Variants in FXR1 observed in about 807,000 individuals in gnomAD.
FXR1 encodes FMR1 autosomal homolog 1, also known as RNA-binding protein FXR1.
FXR1 carries 15 observed loss-of-function variants against 84.0 expected under a neutral mutation model. The observed-to-expected ratio is 0.18, with a 90% CI of 0.12 to 0.27. The LOEUF (loss-of-function observed/expected upper bound fraction) is 0.27. Among genes scored for constraint, FXR1 ranks in the 10% least tolerant of loss-of-function variants. The probability of loss-of-function intolerance (pLI) is 1.00; values close to 1 mark genes in which losing one functional copy is unlikely to be tolerated. For missense variants in FXR1, 480 were observed against 774.4 expected, an observed-to-expected ratio of 0.62 and a Z score of 4.51; for synonymous variants, 245 against 250.7, an observed-to-expected ratio of 0.98 and a Z score of 0.21.
At chr3:180,922,703 T>G (rs1462616920) in intron 1 of FXR1, among the ~76,000 whole-genome samples, 1 of 152,130 alleles carries the variant, frequency 6.6e-6, no homozygotes, top group Non-Finnish European at 1.5e-5. Context: ...GTCTTGACCT[T>G]CCAGGTTCAA....
chr3:180,921,040 G>A (rs1304887304), intron 1 of FXR1, among the ~76,000 whole-genome samples: 1 of 152,024 alleles, frequency 6.6e-6, no homozygotes, highest in African/African-American at 2.4e-5. Context: ...AATGCTGAAT[G>A]CTTGCCTTGA....
At chr3:180,915,697 G>C (rs1805564) in intron 1 of FXR1, 2 of 698,470 alleles carry the variant, frequency 2.9e-6, no homozygotes, top group East Asian at 2.7e-5. Flanking sequence ...ACATTTGGCC[G>C]TAAGTGTGAA....
intron 3 of FXR1, among the ~76,000 whole-genome samples, chr3:180,945,269 C>G (rs1222181288): frequency 6.6e-6 from 1 of 152,178 alleles, no homozygotes; most frequent in Non-Finnish European, 1.5e-5. Flanking sequence ...ATTGACTAAT[C>G]TATTGAATAT....
chr3:180,934,000 G>A lies in FXR1; in HGVS notation c.104+614G>A, dbSNP rs953338794. ...TGGTGGGGGGGCGCCTGTAATTCCA[G>A]CTACTTAGGAGACTGAGGCAGGAGA... On this transcript the variant is annotated intron_variant, in intron 2 of 16. Coordinates refer to ENST00000357559, the MANE Select transcript of FXR1 (RefSeq NM_005087.4). Among the ~76,000 whole-genome samples the A allele has an allele frequency of 2.0e-4, 30 of 152,066 alleles. 1 individual carries two copies. Among genetic ancestry groups the A allele is most frequent in the African/African-American group, 7.0e-4 (29 of 41,394 alleles).
intron 1 of FXR1, among the ~76,000 whole-genome samples, chr3:180,927,217 C>T (rs956684070): frequency 1.3e-5 from 2 of 151,910 alleles, no homozygotes; most frequent in East Asian, 1.9e-4. Flanking sequence ...TCATTTGGTT[C>T]GTAGTGATTT....
chr3:180,915,366 A>C (rs1717758458), intron 1 of FXR1: 1 of 613,850 alleles, frequency 1.6e-6, no homozygotes, highest in Non-Finnish European at 2.8e-6. Context: ...CCCAGCTTCT[A>C]GAGTGTTTTC....
intron 1 of FXR1, among the ~76,000 whole-genome samples, chr3:180,932,683 A>G (rs1720077593): frequency 6.6e-6 from 1 of 152,242 alleles, no homozygotes; most frequent in African/African-American, 2.4e-5. Flanking sequence ...TGTACTCACT[A>G]TAGCCCAATT....
At chr3:180,954,676 G>A (rs1195769914) in intron 9 of FXR1, among the ~76,000 whole-genome samples, 1 of 152,004 alleles carries the variant, frequency 6.6e-6, no homozygotes, top group Admixed American at 6.5e-5. Context: ...TACTAGGAGG[G>A]GGACGAGTTT....
At chr3:180,918,338 A>G (rs1182987231) in intron 1 of FXR1, among the ~76,000 whole-genome samples, 4 of 151,806 alleles carry the variant, frequency 2.6e-5, no homozygotes, top group Non-Finnish European at 5.9e-5. Context: ...GGGTCTTGCT[A>G]TTTAGATCAG....
At position 180,951,345 on chromosome 3, in the gene FXR1, A is replaced by G; in HGVS notation, c.678A>G (p.Arg226=). Residue 226 remains arginine (R), a synonymous_variant, in exon 8 of 17, where the codon AGA becomes AGG. Coordinates refer to ENST00000357559, the MANE Select transcript of FXR1 (RefSeq NM_005087.4). ...CTTTTCATGAGGAATTTGTTGTGAG[A>G]GAAGATTTAATGGGCCTGGCAATAG... ...AAAFHEEFVV[R]EDLMGLAIGT... is the part of the protein sequence containing the mutation. 3.1e-6 allele frequency: 5 copies of G among 1,609,938 alleles called. No homozygotes were observed. Among genetic ancestry groups the G allele is most frequent in the Non-Finnish European group, 4.2e-6 (5 of 1,176,496 alleles).
intron 1 of FXR1, among the ~76,000 whole-genome samples, chr3:180,927,140 G>A (rs1719325833): frequency 6.6e-6 from 1 of 152,032 alleles, no homozygotes; most frequent in African/African-American, 2.4e-5. Flanking sequence ...TATTTCCTCT[G>A]ATTAACATTA....
At chr3:180,929,900 T>C (rs1281711898) in intron 1 of FXR1, among the ~76,000 whole-genome samples, 1 of 152,352 alleles carries the variant, frequency 6.6e-6, no homozygotes, top group Non-Finnish European at 1.5e-5. Context: ...ACAGTCCAAA[T>C]AGATTTTAAG....
At position 180,942,377 on chromosome 3, in the gene FXR1, C is replaced by CAAAAAAAA. The variant is rs765066164; in HGVS notation, c.199-5467_199-5460dup. ...TGGGCGACAGAGCGAGACTCCGTCT[C>CAAAAAAAA]AAAAAAAAAAAAAAAAAAAAAAAAA... On this transcript the variant is annotated intron_variant, in intron 3 of 16. Coordinates refer to ENST00000357559, the MANE Select transcript of FXR1 (RefSeq NM_005087.4). Among the ~76,000 whole-genome samples, 250 of 31,128 alleles carry CAAAAAAAA rather than the reference C, an allele frequency of 8.0e-3. 21 individuals carry two copies. The highest frequency in any genetic ancestry group is 0.011 in the African/African-American group (97 of 8,706). 20.4% of individuals were successfully genotyped at this position (31,128 alleles called of 152,430 possible). A position where few individuals can be genotyped will look rare whatever the true frequency, so the allele number is the denominator to read the frequency against.
At chr3:180,924,040 C>T (rs962564015) in intron 1 of FXR1, among the ~76,000 whole-genome samples, 3 of 152,006 alleles carry the variant, frequency 2.0e-5, no homozygotes, top group Admixed American at 6.6e-5. Flanking sequence ...CCCACTGAAA[C>T]CTCTGCCTCT....
At chr3:180,972,409 T>C (rs760753037) in intron 15 of FXR1, among the ~76,000 whole-genome samples, 2 of 152,186 alleles carry the variant, frequency 1.3e-5, no homozygotes, top group Admixed American at 6.5e-5. Flanking sequence ...TGAAGGGTGA[T>C]CGTGCCACTG....
intron 3 of FXR1, among the ~76,000 whole-genome samples, chr3:180,941,949 G>A (rs898661111): frequency 2.0e-5 from 3 of 152,088 alleles, no homozygotes; most frequent in Non-Finnish European, 4.4e-5. Flanking sequence ...TTGAAAATGG[G>A]TCCTTATGAT....
intron 5 of FXR1, 93 bp from the exon 6 acceptor site, chr3:180,948,628 G>T: frequency 1.0e-6 from 1 of 962,340 alleles, no homozygotes; most frequent in African/African-American, 1.6e-5. Context: ...TTTTAGTGGG[G>T]CTTGTCAAAA....
chr3:180,958,161 A>G (rs1711567058), intron 10 of FXR1, among the ~76,000 whole-genome samples: 1 of 152,182 alleles, frequency 6.6e-6, no homozygotes, highest in East Asian at 1.9e-4. Flanking sequence ...CTTGACATAA[A>G]GATTTCTATT....
intron 2 of FXR1, among the ~76,000 whole-genome samples, chr3:180,934,020 A>G (rs961304604): frequency 2.0e-5 from 3 of 152,282 alleles, no homozygotes; most frequent in Non-Finnish European, 4.4e-5. Flanking sequence ...AGACTGAGGC[A>G]GGAGAATTGT....
Sources: allele counts gnomAD v4.1 joint callset (sites outside exome capture counted in the v4.1 genomes callset), GRCh38; gene constraint gnomAD v4.1.1; transcripts MANE v1.5; gene names NCBI Gene and HGNC (gene_info 2026-07-23, HGNC 2026-07-21).